VPS13D: variants seen among roughly 807,000 people sequenced by gnomAD.
The protein encoded by VPS13D is vacuolar protein sorting 13 homolog D, also known as intermembrane lipid transfer protein VPS13D.
A neutral mutation model predicts 461.9 loss-of-function variants in VPS13D; 187 were observed. That is an observed-to-expected ratio of 0.40 (90% confidence interval 0.36 to 0.46). VPS13D has a LOEUF of 0.46. VPS13D is among the 20% of genes least tolerant of loss of function. The pLI is 0.60. For missense variants in VPS13D, 4,711 were observed against 5,364.9 expected (o/e 0.88, Z 3.81); for synonymous variants, 1,951 against 1,986.3 (o/e 0.98, Z 0.47).
At chr1:12,447,810 A>C (rs533617694) in intron 65 of VPS13D, among the ~76,000 whole-genome samples, 1 of 152,242 alleles carries the variant, frequency 6.6e-6, no homozygotes, top group African/African-American at 2.4e-5. Context: ...GTGACTAGGA[A>C]GGAGATCATC....
chr1:12,334,751 C>G lies in VPS13D; in HGVS notation c.8429-954C>G, dbSNP rs530532932. ...GTGTACTCCAGCCTTGGAGACAGAG[C>G]AAGACCCTGTCTCTAAGAAACCAAC... On this transcript the variant is annotated intron_variant, in intron 38 of 69. Coordinates refer to ENST00000620676, the MANE Select transcript of VPS13D (RefSeq NM_015378.4). Among the ~76,000 whole-genome samples, 3 of 152,306 alleles carry G rather than the reference C, an allele frequency of 2.0e-5. No individual in the cohort carries two copies. In the East Asian group the frequency reaches 5.8e-4, roughly 29 times the overall value.
chr1:12,465,238 A>G (rs1220398951), intron 67 of VPS13D: 1 of 152,258 alleles, frequency 6.6e-6, no homozygotes, highest in Non-Finnish European at 1.5e-5. Context: ...ACTGGGGTGC[A>G]TGACATTTTA....
At chr1:12,252,401 T>C (rs890000577) in intron 6 of VPS13D, among the ~76,000 whole-genome samples, 2 of 152,138 alleles carry the variant, frequency 1.3e-5, no homozygotes, top group South Asian at 2.1e-4. Flanking sequence ...CCTGAAGATA[T>C]CAGGCCTTTT....
intron 24 of VPS13D, among the ~76,000 whole-genome samples, chr1:12,298,948 T>G (rs1377070126): frequency 6.6e-6 from 1 of 152,202 alleles, no homozygotes; most frequent in African/African-American, 2.4e-5. Context: ...GTGAAAATAT[T>G]TTTCTGTTTC....
At chr1:12,476,825 T>TA (rs1273590555) in intron 67 of VPS13D, among the ~76,000 whole-genome samples, 1 of 152,236 alleles carries the variant, frequency 6.6e-6, no homozygotes, top group African/African-American at 2.4e-5. Flanking sequence ...AAAGGGGCTT[T>TA]AAATTAAGAT....
chr1:12,353,755 A>G (rs1643862463), intron 46 of VPS13D, among the ~76,000 whole-genome samples: 1 of 152,156 alleles, frequency 6.6e-6, no homozygotes, highest in Non-Finnish European at 1.5e-5. Context: ...TGGTGTTTAT[A>G]GAGGTGTGTA....
At position 12,328,478 on chromosome 1, in the gene VPS13D, C is replaced by T. The variant is rs117712538; in HGVS notation, c.8197+624C>T. 1.9e-4 allele frequency among the ~76,000 whole-genome samples: 29 copies of T among 152,004 alleles called. No homozygotes were observed. The East Asian group carries it at 5.4e-3, about 28-fold the overall frequency. On this transcript the variant is annotated intron_variant, in intron 36 of 69. Coordinates refer to ENST00000620676, the MANE Select transcript of VPS13D (RefSeq NM_015378.4). ...CCGAGTGGCTAGGATTAAAGTGGCC[C>T]ACCATCACTTCTGGTGGGAGTACTT...
At chr1:12,496,652 A>G (rs910154549) in intron 67 of VPS13D, among the ~76,000 whole-genome samples, 8 of 152,262 alleles carry the variant, frequency 5.3e-5, no homozygotes, top group African/African-American at 1.9e-4. Context: ...GTCATCTGAA[A>G]TATGCACAGC....
chr1:12,425,971 T>C (rs868502682), intron 65 of VPS13D, among the ~76,000 whole-genome samples: 2 of 152,352 alleles, frequency 1.3e-5, no homozygotes, highest in South Asian at 2.1e-4. Flanking sequence ...AAAGTAAAGC[T>C]CAAGCAGTCT....
In VPS13D at chr1:12,355,949, G is replaced by A; in HGVS notation, c.9730G>A (p.Gly3244Arg). ...CTGTAAAGAATTGCTCATTCCACCT[G>A]GAACCCAAAACTATATGGTGAGAAT... Reference protein sequence around the residue: ...PLCKELLIPPGTQNYMVRMRL... With the variant: ...PLCKELLIPPRTQNYMVRMRL... The change falls in exon 48 of 70, where the codon GGA (glycine) becomes AGA (arginine). Residue 3244 changes from glycine to arginine, a missense_variant. Gly to Arg is a moderately radical substitution (Grantham distance 125). Around this residue, in one of 3 missense-constraint regions of VPS13D, gnomAD observed 4,411 missense variants for 4,937.8 expected, o/e 0.89. Coordinates refer to ENST00000620676, the MANE Select transcript of VPS13D (RefSeq NM_015378.4). 1 of 1,611,332 alleles carries A rather than the reference G, an allele frequency of 6.2e-7. No homozygotes were observed.
chr1:12,399,927 C>G (rs982518564), intron 60 of VPS13D, among the ~76,000 whole-genome samples: 2 of 152,132 alleles, frequency 1.3e-5, no homozygotes, highest in African/African-American at 4.8e-5. Flanking sequence ...GCCTCACATA[C>G]TTATTTTTTT....
intron 23 of VPS13D, among the ~76,000 whole-genome samples, chr1:12,293,242 C>T (rs2101432065): frequency 6.6e-6 from 1 of 152,282 alleles, no homozygotes; most frequent in East Asian, 1.9e-4. Context: ...GAATACTTAC[C>T]TTTCAGGGCA....
intron 67 of VPS13D, among the ~76,000 whole-genome samples, chr1:12,466,619 C>T (rs944951215): frequency 2.6e-5 from 4 of 152,158 alleles, no homozygotes; most frequent in Non-Finnish European, 5.9e-5. Flanking sequence ...AGTTCCAGCA[C>T]GCTCCTTCCA....
intron 60 of VPS13D, among the ~76,000 whole-genome samples, chr1:12,399,946 A>G (rs1164277811): frequency 6.6e-6 from 1 of 152,178 alleles, no homozygotes; most frequent in African/African-American, 2.4e-5. Context: ...TTGAGGTGAG[A>G]AAACAAAACC....
intron 34 of VPS13D, among the ~76,000 whole-genome samples, chr1:12,323,160 C>A (rs992595995): frequency 6.6e-6 from 1 of 152,180 alleles, no homozygotes; most frequent in Non-Finnish European, 1.5e-5. Context: ...GCCTCAAACT[C>A]CTGGGCCCAA....
chr1:12,429,772 C>T (rs934581563), intron 65 of VPS13D, among the ~76,000 whole-genome samples: 6 of 152,190 alleles, frequency 3.9e-5, no homozygotes, highest in Admixed American at 1.3e-4. Flanking sequence ...GCACAGCAAG[C>T]GCTTAGCAGA....
At position 12,369,586 on chromosome 1, in the gene VPS13D, G is replaced by A. The variant is rs752906937; in HGVS notation, c.10692G>A (p.Leu3564=). The change falls in exon 54 of 70, where the codon CTG becomes CTA. Residue 3564 remains leucine, a synonymous_variant. Transcript: ENST00000620676. ...CCACCTTGCCACCTTTTATCACTCT[G>A]ACTGTTAAAGGGGCAGGGTCCTCTG... ...DEPTLPPFIT[L]TVKGAGSSEI... is the part of the protein sequence containing the mutation. The A allele has an allele frequency of 6.2e-7, 1 of 1,614,098 alleles. No individual in the cohort carries two copies. The highest frequency in any genetic ancestry group is 1.7e-5 in the Admixed American group (1 of 60,000).
At chr1:12,455,484 T>C (rs1197048908) in intron 65 of VPS13D, among the ~76,000 whole-genome samples, 1 of 152,234 alleles carries the variant, frequency 6.6e-6, no homozygotes, top group African/African-American at 2.4e-5. Flanking sequence ...TCATTAAAGA[T>C]TTTTAGTAGT....
chr1:12,412,391 A>G (rs974657979), intron 63 of VPS13D, among the ~76,000 whole-genome samples: 1 of 152,216 alleles, frequency 6.6e-6, no homozygotes, highest in Non-Finnish European at 1.5e-5. Flanking sequence ...GAGAGCTTAC[A>G]CTATTCGATT....
Sources: gnomAD v4.1 joint callset for allele counts (sites outside exome capture counted in the v4.1 genomes callset) on GRCh38, gnomAD v4.1.1 for gene constraint, gnomAD v4.1.1 regional missense constraint, MANE v1.5 for transcripts, NCBI Gene and HGNC (gene_info 2026-07-23, HGNC 2026-07-21) for gene names.